LRMDA: variants seen among roughly 807,000 people sequenced by gnomAD.
The protein encoded by LRMDA is leucine-rich melanocyte differentiation-associated protein.
A neutral mutation model predicts 29.8 loss-of-function variants in LRMDA; 18 were observed. That is an observed-to-expected ratio of 0.60 (90% CI 0.42 to 0.90). The LOEUF (loss-of-function observed/expected upper bound fraction) is 0.90, where lower values mean the gene tolerates loss of function less well. LRMDA is among the 40% of genes least tolerant of loss of function. The probability of loss-of-function intolerance (pLI) is 0.00; values close to 1 mark genes in which losing one functional copy is unlikely to be tolerated. For missense variants in LRMDA, 273 were observed against 273.9 expected (o/e 1.00, Z 0.02); for synonymous variants, 125 against 109.4 (o/e 1.14, Z -0.89).
chr10:75,802,939 T>C, intron 2 of LRMDA, among the ~76,000 whole-genome samples: 2 of 108,186 alleles, frequency 1.8e-5, no homozygotes, highest in Non-Finnish European at 4.2e-5. Flanking sequence ...ATTATGTGTG[T>C]GTGTGTGTGT....
At chr10:76,353,423 G>A (rs937090322) in intron 6 of LRMDA, among the ~76,000 whole-genome samples, 4 of 151,900 alleles carry the variant, frequency 2.6e-5, no homozygotes, top group Admixed American at 1.3e-4. Context: ...TGAACTGAAA[G>A]GTTGACACAT....
intron 2 of LRMDA, among the ~76,000 whole-genome samples, chr10:75,553,649 GT>G (rs1840179787): frequency 6.6e-6 from 1 of 152,062 alleles, no homozygotes; most frequent in Non-Finnish European, 1.5e-5. Flanking sequence ...AACTGAAAAG[GT>G]TTTCTACCCC....
intron 6 of LRMDA, among the ~76,000 whole-genome samples, chr10:76,390,075 C>G (rs945634261): frequency 6.6e-5 from 10 of 152,116 alleles, no homozygotes; most frequent in Admixed American, 6.6e-4. Flanking sequence ...TACTGTTTTC[C>G]ATAGCAGCTG....
chr10:76,289,561 G>T (rs549892232), intron 5 of LRMDA, among the ~76,000 whole-genome samples: 8 of 152,200 alleles, frequency 5.3e-5, no homozygotes, highest in African/African-American at 1.9e-4. Context: ...CTAATAAAAC[G>T]CATTGTCTAA....
intron 5 of LRMDA, among the ~76,000 whole-genome samples, chr10:76,293,653 T>C (rs1840377019): frequency 6.6e-6 from 1 of 152,206 alleles, no homozygotes; most frequent in Non-Finnish European, 1.5e-5. Flanking sequence ...TAGGGGTCTT[T>C]GTAATTAGTC....
chr10:76,380,225 T>C (rs1841573010), intron 6 of LRMDA, among the ~76,000 whole-genome samples: 1 of 152,226 alleles, frequency 6.6e-6, no homozygotes, highest in Non-Finnish European at 1.5e-5. Flanking sequence ...TTAGGTTGAT[T>C]TGATCTAGAG....
At chr10:76,047,077 CTG>C (rs1848451162) in intron 3 of LRMDA, 85 bp from the exon 4 acceptor site, 1 of 1,440,340 alleles carries the variant, frequency 6.9e-7, no homozygotes, top group African/African-American at 1.4e-5. Context: ...CAGGAGCAGA[CTG>C]GACTCATCAG....
intron 2 of LRMDA, among the ~76,000 whole-genome samples, chr10:75,660,080 TCTC>T (rs1311640343): frequency 6.6e-6 from 1 of 152,102 alleles, no homozygotes; most frequent in Non-Finnish European, 1.5e-5. Context: ...CCTCTCTCTC[TCTC>T]TTTACACACA....
At chr10:76,066,211 T>C (rs1028425394) in intron 5 of LRMDA, among the ~76,000 whole-genome samples, 20 of 152,206 alleles carry the variant, frequency 1.3e-4, no homozygotes, top group African/African-American at 4.1e-4. Flanking sequence ...CTGTAGGGTT[T>C]CTGGGTACTT....
At chr10:75,923,989 C>A (rs1020153076) in intron 2 of LRMDA, among the ~76,000 whole-genome samples, 13 of 152,172 alleles carry the variant, frequency 8.5e-5, no homozygotes, top group Non-Finnish European at 1.0e-4. Flanking sequence ...AAATTTATGT[C>A]ACCAGCAAAG....
intron 5 of LRMDA, among the ~76,000 whole-genome samples, chr10:76,076,274 C>T (rs915866740): frequency 6.0e-5 from 8 of 132,484 alleles, no homozygotes; most frequent in Admixed American, 3.5e-4. Context: ...ACCCAGGAGG[C>T]GGAGCTTGCA....
rs61099708 is a variant in LRMDA at position 75,706,732 on chromosome 10, C to CTTTT, written c.131+268254_131+268257dup. Among the ~76,000 whole-genome samples, 45 of 126,204 alleles carry CTTTT rather than the reference C, an allele frequency of 3.6e-4. 3 individuals are homozygous for CTTTT. The highest frequency in any genetic ancestry group is 8.6e-4 in the African/African-American group (29 of 33,544). 82.8% of individuals were successfully genotyped at this position (126,204 alleles called of 152,430 possible). ...TATACGTTGAGAATTATTGGTACCA[C>CTTTT]TTTTTTTTTTTTTTTTTTTCAGATG... On this transcript the variant is annotated intron_variant, in intron 2 of 6. Coordinates refer to ENST00000611255, the MANE Select transcript of LRMDA (RefSeq NM_001305581.2).
chr10:75,891,115 AAAAG>A lies in LRMDA; in HGVS notation c.132-144876_132-144873del, dbSNP rs1554832388. 1.1e-4 allele frequency among the ~76,000 whole-genome samples: 16 copies of A among 151,404 alleles called. No homozygotes were observed. In the East Asian group the frequency reaches 1.2e-3, roughly 11 times the overall value. The stretch of plus-strand genomic sequence containing the variant: ...GCTAGACTCAGTCTCACAAAAAAAA[AAAAG>A]AAAGAAAGAAAGAAAGTTTCCTGGC... On this transcript the variant is annotated intron_variant, in intron 2 of 6. Coordinates refer to ENST00000611255, the MANE Select transcript of LRMDA (RefSeq NM_001305581.2).
In LRMDA at chr10:75,897,817, CTTTTTTT is replaced by C. The variant is rs3042518; in HGVS notation, c.132-138174_132-138168del. Among the ~76,000 whole-genome samples the C allele has an allele frequency of 1.5e-4, 12 of 78,418 alleles. No homozygotes were observed. In the South Asian group the frequency reaches 5.0e-3, roughly 33 times the overall value. 51.4% of individuals were successfully genotyped at this position (78,418 alleles called of 152,430 possible). On this transcript the variant is annotated intron_variant, in intron 2 of 6. Transcript: ENST00000611255. Reference sequence around the variant, plus strand: ...GTTTTGCTAAAGCACTTCTTCCTGCCTTTTTTTTTTTTTTTTTTTTTTTGAGACGGAG... The same window carrying C: ...GTTTTGCTAAAGCACTTCTTCCTGCCTTTTTTTTTTTTTTTTGAGACGGAG...
chr10:75,662,438 A>G (rs901297800), intron 2 of LRMDA, among the ~76,000 whole-genome samples: 1 of 152,188 alleles, frequency 6.6e-6, no homozygotes, highest in African/African-American at 2.4e-5. Flanking sequence ...TCATCTAAAC[A>G]GTGGGGTGAG....
At chr10:76,103,412 C>T (rs1026832641) in intron 5 of LRMDA, among the ~76,000 whole-genome samples, 1 of 152,154 alleles carries the variant, frequency 6.6e-6, no homozygotes, top group Admixed American at 6.5e-5. Flanking sequence ...GACTCACTGC[C>T]CTTGACTGCT....
chr10:75,473,678 C>T (rs1844753787), intron 2 of LRMDA, among the ~76,000 whole-genome samples: 1 of 152,206 alleles, frequency 6.6e-6, no homozygotes, highest in Non-Finnish European at 1.5e-5. Flanking sequence ...GGCTCAGTTT[C>T]CTCATCTGTG....
intron 2 of LRMDA, among the ~76,000 whole-genome samples, chr10:75,788,321 G>T (rs1298851689): frequency 6.6e-6 from 1 of 152,224 alleles, no homozygotes; most frequent in Non-Finnish European, 1.5e-5. Flanking sequence ...GGCTTCTCCT[G>T]TCTTTCTGTA....
rs1850649216 is a variant in LRMDA at position 76,161,627 on chromosome 10, T to C, written c.516+102844T>C. ...TGTATTAGAAAGACACAGCCCAAGA[T>C]AGTCAGACTACAACGCATGAAACAA... On this transcript the variant is annotated intron_variant, in intron 5 of 6. Transcript: ENST00000611255. Among the ~76,000 whole-genome samples, 3 of 152,200 alleles carry C rather than the reference T, an allele frequency of 2.0e-5. No homozygotes were observed. The South Asian group carries it at 6.2e-4, about 32-fold the overall frequency.
Sources: allele counts gnomAD v4.1 joint callset (sites outside exome capture counted in the v4.1 genomes callset), GRCh38; gene constraint gnomAD v4.1.1; transcripts MANE v1.5; gene names NCBI Gene and HGNC (gene_info 2026-07-23, HGNC 2026-07-21).